The following DNAH10 variants were observed in gnomAD, a reference collection of about 807,000 sequenced individuals.
The protein encoded by DNAH10 is axonemal beta dynein heavy chain 10.
A neutral mutation model predicts 506.6 loss-of-function variants in DNAH10; 348 were observed. The ratio of observed to expected loss-of-function variants is 0.69; its 90% confidence interval spans 0.63 to 0.75. DNAH10 has a LOEUF of 0.75. Ranked by LOEUF, DNAH10 falls within the 30% of genes least tolerant of loss-of-function variation. The probability of loss-of-function intolerance (pLI) is 0.00; values close to 1 mark genes in which losing one functional copy is unlikely to be tolerated. For synonymous variants in DNAH10, 2,059 were observed against 2,198.6 expected (o/e 0.94, Z 1.78); for missense variants, 5,179 against 5,787.1 (o/e 0.89, Z 3.41).
chr12:123,859,270 T>C lies in DNAH10; in HGVS notation c.6749+2T>C, dbSNP rs1160971096. ...CACTCTGTGTCAGGCCCAGACCAAG[T>C]GAGTATGACCTCCGTAGGGAGGGCC... is the stretch of plus-strand genomic sequence containing the variant. On this transcript the variant is annotated splice_donor_variant, in intron 38 of 78. Transcript: ENST00000673944. LOFTEE classifies it high-confidence loss of function. 1.9e-6 allele frequency: 3 copies of C among 1,595,796 alleles called. No homozygotes were observed. The highest frequency in any genetic ancestry group is 2.6e-6 in the Non-Finnish European group (3 of 1,172,938).
chr12:123,768,938 T>C (rs1184427463), intron 2 of DNAH10, among the ~76,000 whole-genome samples: 2 of 151,782 alleles, frequency 1.3e-5, no homozygotes, highest in Admixed American at 6.6e-5. Context: ...GGGGTCTCAC[T>C]ATGTTGCCCA....
At chr12:123,819,849 C>A (rs1959222653) in intron 23 of DNAH10, among the ~76,000 whole-genome samples, 1 of 151,910 alleles carries the variant, frequency 6.6e-6, no homozygotes, top group Non-Finnish European at 1.5e-5. Context: ...AGACTACAGG[C>A]ACATGCCACC....
At chr12:123,912,491 TG>T (rs1211335545) in intron 59 of DNAH10, among the ~76,000 whole-genome samples, 2 of 41,692 alleles carry the variant, frequency 4.8e-5, no homozygotes, top group East Asian at 7.2e-4. Flanking sequence ...GGGTCTGTCC[TG>T]GGGGGGTCTG....
rs188468037 is a variant in DNAH10, at chr12:123,880,789, A to C, written c.8635-836A>C. Among the ~76,000 whole-genome samples the C allele has an allele frequency of 7.8e-4, 100 of 127,926 alleles. 1 individual carries two copies. Among genetic ancestry groups the C allele is most frequent in the African/African-American group, 2.7e-3 (94 of 34,594 alleles). The allele number at this position is 127,926 out of a possible 152,430, so 83.9% of individuals were successfully genotyped here. ...TACATTAGGTGTATCTCCTAATGCT[A>C]TCCCTCCCCCCTCCCCCCACCCCAC... is the stretch of plus-strand genomic sequence containing the variant. On this transcript the variant is annotated intron_variant, in intron 50 of 78. Transcript: ENST00000673944.
At chr12:123,862,910 A>G (rs1321724516) in intron 39 of DNAH10, among the ~76,000 whole-genome samples, 3 of 152,188 alleles carry the variant, frequency 2.0e-5, no homozygotes, top group African/African-American at 7.2e-5. Flanking sequence ...TTGACTCTCA[A>G]ATGATTCAGA....
chr12:123,853,481 C>T lies in DNAH10; in HGVS notation c.6438+129C>T, dbSNP rs1951255870. On this transcript the variant is annotated intron_variant, in intron 36 of 78. Coordinates refer to ENST00000673944, the MANE Select transcript of DNAH10 (RefSeq NM_001372106.1). The surrounding 1 kb of genome is among the most constrained non-coding windows in gnomAD (Gnocchi z 4.7). Reference sequence around the variant, plus strand: ...TTAAGTCTTAGCTGCCTCTTCACCCCGCGGTCTGGCCTTACTTTGGCCTCT... The same window carrying T: ...TTAAGTCTTAGCTGCCTCTTCACCCTGCGGTCTGGCCTTACTTTGGCCTCT... The T allele has an allele frequency of 8.0e-6, 10 of 1,242,526 alleles. No homozygotes were observed. Among genetic ancestry groups the T allele is most frequent in the Middle Eastern group, 2.9e-4 (1 of 3,442 alleles). The allele number at this position is 1,242,526 out of a possible 1,614,324, so 77.0% of individuals were successfully genotyped here.
intron 30 of DNAH10, among the ~76,000 whole-genome samples, chr12:123,843,422 G>A (rs532138120): frequency 5.3e-5 from 8 of 152,132 alleles, no homozygotes; most frequent in African/African-American, 1.7e-4. Flanking sequence ...TCATCATTTC[G>A]GTGTCGTCCT....
rs1954304385 is a variant in DNAH10, at chr12:123,913,104, A to T, written c.10141A>T (p.Arg3381Trp). The change falls in exon 60 of 79, where the codon AGG (arginine) becomes TGG (tryptophan). Residue 3381 changes from arginine to tryptophan, a missense_variant. Arg to Trp is a moderately radical substitution (Grantham distance 101). Around this residue, in one of 3 missense-constraint regions of DNAH10, gnomAD observed 4,844 missense variants for 5,430.5 expected, o/e 0.89. Transcript: ENST00000673944. This position sits in a 1 kb window ranked among gnomAD's most constrained non-coding sequence, Gnocchi z 5.1. ...GCAAATTGTCTTCACTTAGGTGGCC[A>T]GGCTGGAGCGGAATTTTTACCTCAC... ...EIKPKREKVA[R>W]LERNFYLTKR... 6.2e-7 allele frequency: 1 copy of T among 1,608,640 alleles called. No individual in the cohort carries two copies. The highest frequency in any genetic ancestry group is 8.5e-7 in the Non-Finnish European group (1 of 1,177,848).
rs914263127 is a variant in DNAH10, at chr12:123,787,811, C to T, written c.1429C>T (p.Arg477Ter). The T allele has an allele frequency of 2.5e-6, 4 of 1,613,534 alleles. No homozygotes were observed. Among genetic ancestry groups the T allele is most frequent in the African/African-American group, 1.3e-5 (1 of 74,948 alleles). Residue 477 changes from arginine (R) to a stop codon, truncating the protein, a stop_gained, in exon 10 of 79, where the codon CGA (arginine) becomes TGA (stop). Coordinates refer to ENST00000673944, the MANE Select transcript of DNAH10 (RefSeq NM_001372106.1). LOFTEE classifies it high-confidence loss of function. The surrounding 1 kb of genome is among the most constrained non-coding windows in gnomAD (Gnocchi z 4.6). ...CATCTCTTGGCTTCGCAGAGAAAAT[C>T]GAGCGAGTGCCCAAAGCAAAACCTT... is the stretch of plus-strand genomic sequence containing the variant. ...VNLRTLFKEN[R>*]ASAQSKTLEA...
Position 123,879,301 on chromosome 12 carries a change from A to G in DNAH10, c.8410A>G (p.Asn2804Asp), listed in dbSNP as rs1952395156. 1.9e-6 allele frequency: 3 copies of G among 1,580,782 alleles called. No homozygotes were observed. The highest frequency in any genetic ancestry group is 2.6e-6 in the Non-Finnish European group (3 of 1,162,924). The change falls in exon 49 of 79, where the codon AAT becomes GAT. Residue 2804 changes from asparagine (N) to aspartate (D), a missense_variant. This residue lies in a region of DNAH10 where 4,844 missense variants were observed against 5,430.5 expected (regional missense o/e 0.89). Transcript: ENST00000673944. ...TVAQMVRVWRNECLRVFHDRL... is the reference protein window; with the variant it reads ...TVAQMVRVWRDECLRVFHDRL... ...GGCCCAGATGGTGAGAGTCTGGAGG[A>G]ATGAGTGTCTGAGAGTCTTCCACGA...
chr12:123,932,480 ATTT>A (rs11372935), intron 76 of DNAH10: 130 of 153,352 alleles, frequency 8.5e-4, no homozygotes, highest in Middle Eastern at 2.9e-3. Flanking sequence ...GGTGGTTACC[ATTT>A]TTTTTTTTTT....
intron 1 of DNAH10, among the ~76,000 whole-genome samples, chr12:123,765,444 T>A (rs1593943846): frequency 6.6e-6 from 1 of 152,286 alleles, no homozygotes; most frequent in East Asian, 1.9e-4. Flanking sequence ...GGGTAACCAC[T>A]ATTATTAGTT....
At chr12:123,879,567 C>A in intron 49 of DNAH10, 67 bp from the exon 50 acceptor site, 1 of 1,594,908 alleles carries the variant, frequency 6.3e-7, no homozygotes, top group Non-Finnish European at 8.6e-7. Context: ...GTATCCTCTG[C>A]TCCTAGCAAG....
At chr12:123,856,899 A>AT (rs1460585560) in intron 36 of DNAH10, among the ~76,000 whole-genome samples, 157 bp from the exon 37 acceptor site, 2 of 150,694 alleles carry the variant, frequency 1.3e-5, no homozygotes, top group African/African-American at 4.9e-5. Flanking sequence ...AAATTATGTA[A>AT]TTTTAAATGT....
At chr12:123,885,139 T>C (rs1952675560) in intron 51 of DNAH10, among the ~76,000 whole-genome samples, 1 of 152,224 alleles carries the variant, frequency 6.6e-6, no homozygotes, top group African/African-American at 2.4e-5. Flanking sequence ...TGTAGCACTT[T>C]TGCGCCATGG....
chr12:123,895,494 T>TAG (rs2137204542), intron 54 of DNAH10, among the ~76,000 whole-genome samples: 1 of 152,370 alleles, frequency 6.6e-6, no homozygotes, highest in Non-Finnish European at 1.5e-5. Context: ...TCTGATGATA[T>TAG]ATCTCAGGTC....
intron 11 of DNAH10, among the ~76,000 whole-genome samples, chr12:123,793,425 A>C (rs1594040363): frequency 1.4e-5 from 2 of 143,266 alleles, no homozygotes; most frequent in Non-Finnish European, 3.0e-5. Context: ...TACAGTCTCC[A>C]CCTCCTGGGT....
intron 38 of DNAH10, among the ~76,000 whole-genome samples, chr12:123,860,302 G>C (rs1260293582): frequency 6.6e-6 from 1 of 152,196 alleles, no homozygotes; most frequent in African/African-American, 2.4e-5. Context: ...AAAACCAGTC[G>C]ACAGTGGCTT....
At chr12:123,889,183 A>G (rs1952868474) in intron 52 of DNAH10, among the ~76,000 whole-genome samples, 1 of 151,998 alleles carries the variant, frequency 6.6e-6, no homozygotes, top group Non-Finnish European at 1.5e-5. Context: ...TCGTTTTTAG[A>G]TGCGTTTCAG....
Sources: allele counts gnomAD v4.1 joint callset (sites outside exome capture counted in the v4.1 genomes callset), GRCh38; gene constraint gnomAD v4.1.1; regional missense constraint gnomAD v4.1.1; non-coding constraint Gnocchi (gnomAD v3.1); transcripts MANE v1.5; gene names NCBI Gene and HGNC (gene_info 2026-07-23, HGNC 2026-07-21).